The following FBRSL1 variants were observed in gnomAD, a reference collection of about 807,000 sequenced individuals.
The protein encoded by FBRSL1 is fibrosin-1-like protein.
A neutral mutation model predicts 89.6 loss-of-function variants in FBRSL1; 51 were observed. That is an observed-to-expected ratio of 0.57 (90% confidence interval 0.45 to 0.72). FBRSL1 has a LOEUF of 0.72. Ranked by LOEUF, FBRSL1 falls within the 30% of genes least tolerant of loss-of-function variation. The probability of loss-of-function intolerance (pLI) is 0.00; values close to 1 mark genes in which losing one functional copy is unlikely to be tolerated. For synonymous variants in FBRSL1, 779 were observed against 681.1 expected (o/e 1.14, Z -2.24); for missense variants, 1,618 against 1,451.8 (o/e 1.11, Z -1.86).
intron 5 of FBRSL1, among the ~76,000 whole-genome samples, chr12:132,555,917 G>A (rs2038596261): frequency 6.6e-6 from 1 of 152,128 alleles, no homozygotes. Context: ...CAGCCTTCAG[G>A]GCCGGTTGTG....
At chr12:132,535,927 G>A (rs1417109763) in intron 4 of FBRSL1, among the ~76,000 whole-genome samples, 1 of 150,718 alleles carries the variant, frequency 6.6e-6, no homozygotes, top group Non-Finnish European at 1.5e-5. Context: ...GATGGTGTGT[G>A]TGAGTGCACA....
intron 4 of FBRSL1, among the ~76,000 whole-genome samples, chr12:132,530,613 C>T (rs2036178921): frequency 6.6e-6 from 1 of 151,906 alleles, no homozygotes; most frequent in Non-Finnish European, 1.5e-5. Flanking sequence ...AGTCTTCTCC[C>T]CAGAGCACTC....
At chr12:132,571,869 C>T (rs1211120166) in intron 9 of FBRSL1, 1 of 331,012 alleles carries the variant, frequency 3.0e-6, no homozygotes, top group Non-Finnish European at 5.5e-6. Context: ...CTCCCGTGTT[C>T]CCCGCCCCGG....
Position 132,564,878 on chromosome 12 carries a change from C to T in FBRSL1, c.646-2603C>T, listed in dbSNP as rs538626567. ...TCTGCTGACCTCGTGATCCGCCGGC[C>T]TCGGCCTCCCGCAGTGCTGGGATTT... On this transcript the variant is annotated intron_variant, in intron 5 of 18. Coordinates refer to ENST00000680143, the MANE Select transcript of FBRSL1 (RefSeq NM_001367871.1). Among the ~76,000 whole-genome samples the T allele has an allele frequency of 3.3e-5, 5 of 152,282 alleles. No individual in the cohort carries two copies. In the South Asian group the frequency reaches 6.2e-4, roughly 19 times the overall value.
At chr12:132,508,882 G>C (rs1489425021) in intron 2 of FBRSL1, among the ~76,000 whole-genome samples, 3 of 152,156 alleles carry the variant, frequency 2.0e-5, no homozygotes, top group African/African-American at 7.2e-5. Flanking sequence ...CCTGCCCAGG[G>C]GCCTCCTGCC....
At chr12:132,580,868 C>T in intron 15 of FBRSL1, 1 of 985,434 alleles carries the variant, frequency 1.0e-6, no homozygotes, top group South Asian at 4.7e-5. Context: ...GCAGCCCCTC[C>T]CAGGGCCCGG....
chr12:132,533,540 G>A (rs2036476206), intron 4 of FBRSL1, among the ~76,000 whole-genome samples: 1 of 152,280 alleles, frequency 6.6e-6, no homozygotes, highest in African/African-American at 2.4e-5. Flanking sequence ...TGGCTGCTGT[G>A]TGGGTACCGT....
chr12:132,540,806 C>T (rs1288191536), intron 4 of FBRSL1, among the ~76,000 whole-genome samples: 6 of 152,180 alleles, frequency 3.9e-5, no homozygotes, highest in Non-Finnish European at 5.9e-5. Context: ...CACCTATGGC[C>T]CCACAAGCCC....
intron 4 of FBRSL1, among the ~76,000 whole-genome samples, chr12:132,545,447 G>A (rs956355090): frequency 6.6e-6 from 1 of 152,240 alleles, no homozygotes; most frequent in Non-Finnish European, 1.5e-5. Context: ...CCTGCGCCTG[G>A]CTGACAGTGC....
intron 8 of FBRSL1, 34 bp from the exon 9 acceptor site, chr12:132,571,034 G>C (rs991241371): frequency 7.8e-7 from 1 of 1,288,080 alleles, no homozygotes; most frequent in Admixed American, 3.6e-5. Flanking sequence ...CTGGCTCCCG[G>C]GGAGGGGCTC....
intron 1 of FBRSL1, among the ~76,000 whole-genome samples, chr12:132,491,309 A>G (rs901170001): frequency 9.9e-5 from 15 of 152,098 alleles, no homozygotes; most frequent in African/African-American, 2.7e-4. Context: ...AGAAGGGGAG[A>G]AGGAGGGTTA....
rs1253301608 is a variant in FBRSL1 at position 132,549,439 on chromosome 12, A to G, written c.645+1407A>G. 3.3e-5 allele frequency among the ~76,000 whole-genome samples: 5 copies of G among 152,200 alleles called. No homozygotes were observed. The East Asian group carries it at 9.6e-4, about 29-fold the overall frequency. On this transcript the variant is annotated intron_variant, in intron 5 of 18. Transcript: ENST00000680143. ...CGAACCGTGACGGGCCTAACATTTC[A>G]GATGAGTAACCTTGTCCTGATCTCA...
intron 5 of FBRSL1, among the ~76,000 whole-genome samples, chr12:132,549,169 G>A (rs768971261): frequency 6.6e-6 from 1 of 152,228 alleles, no homozygotes; most frequent in Non-Finnish European, 1.5e-5. Context: ...CACCGTCGCC[G>A]CGGCCTGGGG....
rs1360660479 is a variant in FBRSL1, at chr12:132,583,215, G to A, written c.2446G>A (p.Glu816Lys). The change falls in exon 19 of 19, where the codon GAG becomes AAG. Residue 816 changes from glutamate to lysine, a missense_variant. Transcript: ENST00000680143. ...GGCCCCTGGAGACGTGAAGGTCAAG[G>A]AGGAGCGCGGGGAGGACGAGGCCTC... ...KAAPGDVKVK[E>K]ERGEDEASEP... 2.8e-6 allele frequency: 4 copies of A among 1,430,576 alleles called. No individual in the cohort carries two copies. The highest frequency in any genetic ancestry group is 1.5e-5 in the African/African-American group (1 of 66,570). 88.6% of individuals were successfully genotyped at this position (1,430,576 alleles called of 1,614,324 possible).
In FBRSL1 at chr12:132,583,338, G is replaced by C. The variant is rs762535224; in HGVS notation, c.2569G>C (p.Gly857Arg). The change falls in exon 19 of 19, where the codon GGC becomes CGC. Residue 857 changes from glycine (G) to arginine (R), a missense_variant. Transcript: ENST00000680143. ...APGFAWEPFR[G>R]LELPRRAFPA... ...GGGCTTCGCGTGGGAGCCTTTCCGC[G>C]GCCTGGAGCTGCCACGTCGCGCCTT... The C allele has an allele frequency of 6.0e-6, 7 of 1,174,040 alleles. No homozygotes were observed. The South Asian group carries it at 1.8e-4, about 30-fold the overall frequency. The allele number at this position is 1,174,040 out of a possible 1,614,324, so 72.7% of individuals were successfully genotyped here.
chr12:132,522,365 G>A (rs2035434299), intron 2 of FBRSL1, among the ~76,000 whole-genome samples: 1 of 152,142 alleles, frequency 6.6e-6, no homozygotes, highest in African/African-American at 2.4e-5. Flanking sequence ...TGTGGAGGGA[G>A]GGGGTTGGTG....
intron 1 of FBRSL1, among the ~76,000 whole-genome samples, chr12:132,498,349 C>T (rs1271572504): frequency 1.3e-5 from 2 of 152,168 alleles, no homozygotes; most frequent in African/African-American, 2.4e-5. Context: ...CTTGCAGAGG[C>T]GCCGCAGCAG....
intron 1 of FBRSL1, among the ~76,000 whole-genome samples, chr12:132,505,691 G>A (rs940306461): frequency 2.0e-5 from 3 of 152,212 alleles, no homozygotes; most frequent in Non-Finnish European, 2.9e-5. Flanking sequence ...CTCCTTGGTC[G>A]TGCCTCTCTC....
chr12:132,561,762 G>A (rs574206206), intron 5 of FBRSL1, among the ~76,000 whole-genome samples: 103 of 152,326 alleles, frequency 6.8e-4, no homozygotes, highest in African/African-American at 2.4e-3. Context: ...CAGCCCCTCA[G>A]ATGAGGGGTC....
Sources: allele counts gnomAD v4.1 joint callset (sites outside exome capture counted in the v4.1 genomes callset), GRCh38; gene constraint gnomAD v4.1.1; transcripts MANE v1.5; gene names NCBI Gene and HGNC (gene_info 2026-07-23, HGNC 2026-07-21).